The following GPAM variants were observed in gnomAD, a reference collection of about 807,000 sequenced individuals.
GPAM encodes glycerol-3-phosphate acyltransferase 1, mitochondrial.
Under a neutral mutation model 105.0 loss-of-function variants are expected in GPAM, and 56 were observed. The ratio of observed to expected loss-of-function variants is 0.53; its 90% CI spans 0.43 to 0.67. The LOEUF is 0.67. Ranked by LOEUF, GPAM falls within the 30% of genes least tolerant of loss-of-function variation. The probability of loss-of-function intolerance (pLI) is 0.00; values close to 1 mark genes in which losing one functional copy is unlikely to be tolerated. For missense variants in GPAM, 855 were observed against 989.8 expected, an observed-to-expected ratio of 0.86 and a Z score of 1.83; for synonymous variants, 368 against 354.4, an observed-to-expected ratio of 1.04 and a Z score of -0.43.
rs1847508140 is a variant in GPAM at position 112,181,546 on chromosome 10, G to A, written c.102+137C>T. On this transcript the variant is annotated intron_variant, in intron 3 of 21. Coordinates refer to ENST00000348367, the MANE Select transcript of GPAM (RefSeq NM_001244949.2). ...ATAATGCCATAAAATTTTTTATTAG[G>A]CTTCATAAACATACCAGTTTCTGTA... 2.2e-5 allele frequency: 15 copies of A among 669,060 alleles called. No homozygotes were observed. In the South Asian group the frequency reaches 2.4e-4, roughly 11 times the overall value. 41.4% of individuals were successfully genotyped at this position (669,060 alleles called of 1,614,324 possible).
intron 18 of GPAM, 47 bp from the exon 19 acceptor site, chr10:112,157,436 C>A: frequency 6.3e-7 from 1 of 1,578,258 alleles, no homozygotes; most frequent in Non-Finnish European, 8.7e-7. Context: ...CACTGGCACA[C>A]AAACAACTGC....
Position 112,164,203 on chromosome 10 carries a change from C to T in GPAM, c.1307+322G>A, listed in dbSNP as rs141141486. Among the ~76,000 whole-genome samples the T allele has an allele frequency of 2.0e-4, 31 of 152,232 alleles. No homozygotes were observed. The East Asian group carries it at 5.8e-3, about 28-fold the overall frequency. ...TTTGAATTCCGAAAAATTCAAACAG[C>T]AAAATTCTTTCATATGGTTCACTTA... On this transcript the variant is annotated intron_variant, in intron 13 of 21. Transcript: ENST00000348367.
chr10:112,171,229 T>C (rs981095702), intron 9 of GPAM, among the ~76,000 whole-genome samples: 5 of 152,130 alleles, frequency 3.3e-5, no homozygotes, highest in Non-Finnish European at 7.4e-5. Context: ...TCCTAGGTGG[T>C]AAACACCTGG....
chr10:112,225,101 C>A, the GPAM span, among the ~76,000 whole-genome samples: 2 of 152,182 alleles, frequency 1.3e-5, no homozygotes, highest in African/African-American at 4.8e-5. Context: ...AAAGTGGCCC[C>A]AGGGGTCTCC....
chr10:112,224,637 A>T, the GPAM span, among the ~76,000 whole-genome samples: 1 of 152,208 alleles, frequency 6.6e-6, no homozygotes, highest in South Asian at 2.1e-4. Flanking sequence ...TGTTTTGGGA[A>T]GGCAACCTTG....
chr10:112,168,611 C>A (rs1360373381), intron 10 of GPAM, 87 bp from the exon 11 acceptor site: 3 of 929,014 alleles, frequency 3.2e-6, no homozygotes, highest in Admixed American at 3.8e-5. Context: ...AAAAGCAAAA[C>A]AGAAAAAACG....
chr10:112,214,160 C>T (rs190524240), intron 1 of GPAM, among the ~76,000 whole-genome samples: 29 of 152,138 alleles, frequency 1.9e-4, no homozygotes, highest in South Asian at 6.2e-4. Context: ...AAAGCAGGGA[C>T]GATCTGGATA....
intron 1 of GPAM, among the ~76,000 whole-genome samples, chr10:112,214,836 G>A (rs1847950922): frequency 2.0e-5 from 3 of 152,184 alleles, no homozygotes; most frequent in Admixed American, 2.0e-4. Flanking sequence ...GGATTTGGGG[G>A]TTCTGAGCCA....
chr10:112,200,228 T>TATATATA (rs1491231437), intron 1 of GPAM, among the ~76,000 whole-genome samples: 1 of 80,820 alleles, frequency 1.2e-5, no homozygotes, highest in African/African-American at 1.1e-4. Context: ...ACACTATATG[T>TATATATA]ATATATATAT....
At chr10:112,185,571 G>GACACACACAC (rs55812271), upstream of GPAM, among the ~76,000 whole-genome samples, 5 of 143,692 alleles carry the variant, frequency 3.5e-5, no homozygotes, top group African/African-American at 1.3e-4. Flanking sequence ...CACACACACA[G>GACACACACAC]ACACACACAC....
intron 20 of GPAM, chr10:112,155,629 A>G: frequency 4.5e-6 from 2 of 441,004 alleles, no homozygotes; most frequent in South Asian, 4.9e-5. Context: ...CAAAGGAACA[A>G]CTATATGCAA....
At chr10:112,200,631 C>T (rs768249103) in intron 1 of GPAM, among the ~76,000 whole-genome samples, 4 of 151,926 alleles carry the variant, frequency 2.6e-5, no homozygotes, top group Non-Finnish European at 4.4e-5. Flanking sequence ...GAGCTAAGTA[C>T]TTCCAATAAA....
intron 4 of GPAM, among the ~76,000 whole-genome samples, chr10:112,178,783 T>C (rs1386717426): frequency 6.6e-6 from 1 of 152,188 alleles, no homozygotes. Flanking sequence ...ATCACCATTT[T>C]CTAGGTGAGA....
In GPAM at chr10:112,150,677, GAC is replaced by G. The variant is rs1236628232; in HGVS notation, c.*2871_*2872del. 1 of 923,550 alleles carries G rather than the reference GAC, an allele frequency of 1.1e-6. No individual in the cohort carries two copies. Among genetic ancestry groups the G allele is most frequent in the East Asian group, 1.2e-4 (1 of 8,514 alleles). 57.2% of individuals were successfully genotyped at this position (923,550 alleles called of 1,614,324 possible). ...AAATAGTTTGGGCAATGCTGGGTTA[GAC>G]AGTTTTTCACTACCGGATGCCAAGC... On this transcript the variant is annotated 3_prime_UTR_variant, in exon 22 of 22. Coordinates refer to ENST00000348367, the MANE Select transcript of GPAM (RefSeq NM_001244949.2).
At chr10:112,212,619 T>C (rs986553973) in intron 1 of GPAM, among the ~76,000 whole-genome samples, 4 of 152,150 alleles carry the variant, frequency 2.6e-5, no homozygotes, top group Non-Finnish European at 1.5e-5. Flanking sequence ...ACCCAAAGCT[T>C]AGGGTCTCGA....
rs1179533339 is a variant in GPAM at position 112,172,208 on chromosome 10, G to A, written c.768C>T (p.Gly256=). The stretch of plus-strand genomic sequence containing the variant: ...TGAAGATTGGGATGTTGAGATTATT[G>A]CCTGAAGCAATGTATGGTGCTTTGA... ...HNIKAPYIAS[G]NNLNIPIFST... The change falls in exon 9 of 22, where the codon GGC becomes GGT. Residue 256 remains glycine (G), a synonymous_variant. Coordinates refer to ENST00000348367, the MANE Select transcript of GPAM (RefSeq NM_001244949.2). 6.2e-7 allele frequency: 1 copy of A among 1,608,658 alleles called. No homozygotes were observed. The highest frequency in any genetic ancestry group is 1.3e-5 in the African/African-American group (1 of 74,766).
chr10:112,217,040 G>A (rs141147815), upstream of GPAM, among the ~76,000 whole-genome samples: 366 of 152,110 alleles, frequency 2.4e-3, 1 homozygote, highest in Non-Finnish European at 4.0e-3. Flanking sequence ...CATTTAAAGC[G>A]TATATATAGT....
rs1564683118 is a variant in GPAM at position 112,180,509 on chromosome 10, A to C, written c.189T>G (p.Val63=). The change falls in exon 4 of 22, where the codon GTT becomes GTG. Residue 63 remains valine, a synonymous_variant. Coordinates refer to ENST00000348367, the MANE Select transcript of GPAM (RefSeq NM_001244949.2). ...ESLMSRKRPF[V]GRCCYSCTPQ... Reference sequence around the variant, plus strand: ...GAGTGCAGGAGTAACAACATCTTCCAACAAATGGCCTTTTCCGACTCATTA... The same window carrying C: ...GAGTGCAGGAGTAACAACATCTTCCCACAAATGGCCTTTTCCGACTCATTA... 6.2e-7 allele frequency: 1 copy of C among 1,613,754 alleles called. No individual in the cohort carries two copies. The highest frequency in any genetic ancestry group is 1.3e-5 in the African/African-American group (1 of 75,040).
chr10:112,172,226 T>C lies in GPAM; in HGVS notation c.750A>G (p.Ala250=). 5.6e-6 allele frequency: 9 copies of C among 1,608,948 alleles called. No individual in the cohort carries two copies. The highest frequency in any genetic ancestry group is 6.8e-6 in the Non-Finnish European group (8 of 1,175,394). Residue 250 remains alanine, a synonymous_variant, in exon 9 of 22, where the codon GCA becomes GCG. Transcript: ENST00000348367. ...TFILFCHNIK[A]PYIASGNNLN... is the part of the protein sequence containing the mutation. ...GATTATTGCCTGAAGCAATGTATGG[T>C]GCTTTGATGTTATGGCAGAAGAGAA... is the stretch of plus-strand genomic sequence containing the variant.
Sources: allele counts gnomAD v4.1 joint callset (sites outside exome capture counted in the v4.1 genomes callset), GRCh38; gene constraint gnomAD v4.1.1; transcripts MANE v1.5; gene names NCBI Gene and HGNC (gene_info 2026-07-23, HGNC 2026-07-21).